The following CDK11A variants were observed in gnomAD, a reference collection of about 807,000 sequenced individuals.
CDK11A encodes cyclin dependent kinase 11A, also known as cyclin-dependent kinase 11A.
A neutral mutation model predicts 83.6 loss-of-function variants in CDK11A; 55 were observed. That is an observed-to-expected ratio of 0.66 (90% CI 0.53 to 0.82). The LOEUF (loss-of-function observed/expected upper bound fraction) is 0.82, where lower values mean the gene tolerates loss of function less well. Ranked by LOEUF, CDK11A falls within the 40% of genes least tolerant of loss-of-function variation. CDK11A has a pLI of 0.00. For synonymous variants in CDK11A, 247 were observed against 302.7 expected, an observed-to-expected ratio of 0.82 and a Z score of 1.91; for missense variants, 564 against 810.1, an observed-to-expected ratio of 0.70 and a Z score of 3.69.
intron 3 of CDK11A, among the ~76,000 whole-genome samples, chr1:1,721,064 A>C (rs1401488816): frequency 6.6e-6 from 1 of 150,714 alleles, no homozygotes; most frequent in Non-Finnish European, 1.5e-5. Context: ...TTTAGTAGAG[A>C]CGGGGTTTCA....
At chr1:1,717,418 C>G (rs1644708548) in intron 4 of CDK11A, among the ~76,000 whole-genome samples, 1 of 151,412 alleles carries the variant, frequency 6.6e-6, no homozygotes, top group South Asian at 2.1e-4. Flanking sequence ...CGAGATCAAA[C>G]TGCTCAAGCC....
chr1:1,715,383 A>G (rs1401889102), intron 5 of CDK11A, among the ~76,000 whole-genome samples: 1 of 143,514 alleles, frequency 7.0e-6, no homozygotes, highest in Non-Finnish European at 1.5e-5. Context: ...CTTCTGGGAA[A>G]TCAATATGAC....
chr1:1,707,464 G>A lies in CDK11A; in HGVS notation c.1190C>T (p.Ala397Val), dbSNP rs777457352. Reference sequence around the variant, plus strand: ...CTGCTTGAGCTCGATGGGCAACAGGGCAGGGGAGTCGGGCACATAGTCGCC... The same window carrying A: ...CTGCTTGAGCTCGATGGGCAACAGGACAGGGGAGTCGGGCACATAGTCGCC... ...TEGDYVPDSPALLPIELKQEL... is the reference protein window; with the variant it reads ...TEGDYVPDSPVLLPIELKQEL... The change falls in exon 11 of 20, where the codon GCC becomes GTC. Residue 397 changes from alanine to valine, a missense_variant. Ala to Val is a moderately conservative substitution (Grantham distance 64). Coordinates refer to ENST00000404249, the MANE Select transcript of CDK11A (RefSeq NM_024011.4). 2.5e-6 allele frequency: 4 copies of A among 1,607,706 alleles called. No individual in the cohort carries two copies. The South Asian group carries it at 4.4e-5, about 18-fold the overall frequency.
rs1409805069 is a variant in CDK11A, at chr1:1,719,216, TAC to T, written c.355+110_355+111del. 2 of 991,014 alleles carry T rather than the reference TAC, an allele frequency of 2.0e-6. 1 individual carries two copies. The highest frequency in any genetic ancestry group is 2.9e-6 in the Non-Finnish European group (2 of 698,730). 61.4% of individuals were successfully genotyped at this position (991,014 alleles called of 1,614,324 possible). On this transcript the variant is annotated intron_variant, in intron 4 of 19. Coordinates refer to ENST00000404249, the MANE Select transcript of CDK11A (RefSeq NM_024011.4). ...TCTGTGACACCATTATGCTTTCAGCTACAGTTTGCTTTCTCTGGTTTTTCAGT... is the reference window on the plus strand; with the variant it reads ...TCTGTGACACCATTATGCTTTCAGCTAGTTTGCTTTCTCTGGTTTTTCAGT...
chr1:1,704,347 G>T lies in CDK11A; in HGVS notation c.1565-3C>A. 6.2e-7 allele frequency: 1 copy of T among 1,603,900 alleles called. No individual in the cohort carries two copies. The highest frequency in any genetic ancestry group is 1.1e-5 in the South Asian group (1 of 90,464). On this transcript the variant is annotated splice_polypyrimidine_tract_variant and splice_region_variant and intron_variant, in intron 14 of 19. Transcript: ENST00000404249. ...GATCATCAGGGTCTTCACCTCCCCT[G>T]GGAGGGAGGGAGGCTCCCATGTGGA...
rs1432942337 is a variant in CDK11A, at chr1:1,724,297, ACAGCAACCGG to A, written c.-63_-54del. The A allele has an allele frequency of 2.6e-5, 4 of 151,638 alleles. 1 individual carries two copies. The highest frequency in any genetic ancestry group is 5.9e-5 in the Non-Finnish European group (4 of 67,860). 9.4% of individuals were successfully genotyped at this position (151,638 alleles called of 1,614,324 possible). A position where few individuals can be genotyped will look rare whatever the true frequency, so the allele number is the denominator to read the frequency against. On this transcript the variant is annotated 5_prime_UTR_variant, in exon 1 of 20. Transcript: ENST00000404249. The stretch of plus-strand genomic sequence containing the variant: ...GGCCGGTCCCTGAGCCTGAGAAGAA[ACAGCAACCGG>A]CGCTCGCCAGAAGTATCCTCACTTC...
rs75325912 is a variant in CDK11A at position 1,716,701 on chromosome 1, G to C, written c.356-223C>G. Among the ~76,000 whole-genome samples the C allele has an allele frequency of 9.7e-4, 145 of 148,940 alleles. 3 individuals are homozygous for C. Among genetic ancestry groups the C allele is most frequent in the African/African-American group, 3.4e-3 (139 of 40,456 alleles). On this transcript the variant is annotated intron_variant, in intron 4 of 19. Coordinates refer to ENST00000404249, the MANE Select transcript of CDK11A (RefSeq NM_024011.4). ...TGGTGGCAGGCACCTGTAATCCCAG[G>C]TACTAAGGGAGGCTGAGGCTGTAGA...
Position 1,713,481 on chromosome 1 carries a change from C to T in CDK11A, c.489-1081G>A, listed in dbSNP as rs529225419. Among the ~76,000 whole-genome samples the T allele has an allele frequency of 9.3e-4, 94 of 101,278 alleles. 9 individuals are homozygous for T. The highest frequency in any genetic ancestry group is 2.7e-3 in the African/African-American group (90 of 33,144). 66.4% of individuals were successfully genotyped at this position (101,278 alleles called of 152,430 possible). On this transcript the variant is annotated intron_variant, in intron 5 of 19. Coordinates refer to ENST00000404249, the MANE Select transcript of CDK11A (RefSeq NM_024011.4). ...TTTAAATTACATACGTTTAGCATACCATTTTAATTTATTTGTACTTTTTAG... is the reference window on the plus strand; with the variant it reads ...TTTAAATTACATACGTTTAGCATACTATTTTAATTTATTTGTACTTTTTAG...
At chr1:1,718,637 T>TC (rs1043877272) in intron 4 of CDK11A, among the ~76,000 whole-genome samples, 1 of 59,056 alleles carries the variant, frequency 1.7e-5, no homozygotes, top group African/African-American at 3.6e-5. Context: ...GCTAGAGTAT[T>TC]CTTTTTTTTT....
At chr1:1,706,951 T>C (rs899714159) in intron 11 of CDK11A, among the ~76,000 whole-genome samples, 6 of 144,484 alleles carry the variant, frequency 4.2e-5, no homozygotes, top group Non-Finnish European at 4.5e-5. Flanking sequence ...CCTGCCTTAT[T>C]GATAGCTGCC....
chr1:1,717,356 G>A (rs914922853), intron 4 of CDK11A, among the ~76,000 whole-genome samples: 2 of 142,384 alleles, frequency 1.4e-5, no homozygotes, highest in African/African-American at 2.5e-5. Context: ...GATTTCAATC[G>A]GGCTCCAGGT....
Position 1,716,687 on chromosome 1 carries a change from A to G in CDK11A, c.356-209T>C, listed in dbSNP as rs1335772641. Among the ~76,000 whole-genome samples, 17 of 149,932 alleles carry G rather than the reference A, an allele frequency of 1.1e-4. 1 individual carries two copies. Among genetic ancestry groups the G allele is most frequent in the Non-Finnish European group, 2.2e-4 (15 of 67,410 alleles). On this transcript the variant is annotated intron_variant, in intron 4 of 19. Coordinates refer to ENST00000404249, the MANE Select transcript of CDK11A (RefSeq NM_024011.4). ...AAATTAGCTGGGCGTGGTGGCAGGC[A>G]CCTGTAATCCCAGGTACTAAGGGAG...
In CDK11A at chr1:1,708,182, A is replaced by T; in HGVS notation, c.1067T>A (p.Val356Asp). Residue 356 changes from valine (V) to aspartate (D), a missense_variant and splice_region_variant, in exon 10 of 20, where the codon GTT becomes GAT. By Grantham distance (152) the Val-to-Asp change is radical (BLOSUM62 -3). Transcript: ENST00000404249. ...EERENENHLL[V>D]VPESRFDRDS... ...TCTGTCTCCAGGGAGGTTCTTACCA[A>T]CCAAGAGGTGGTTTTCATTTTCTCG... 6.5e-7 allele frequency: 1 copy of T among 1,539,058 alleles called. No individual in the cohort carries two copies. Among genetic ancestry groups the T allele is most frequent in the African/African-American group, 1.4e-5 (1 of 71,114 alleles).
At position 1,719,395 on chromosome 1, in the gene CDK11A, T is replaced by G; in HGVS notation, c.288A>C (p.Lys96Asn). The stretch of plus-strand genomic sequence containing the variant: ...TCTTTTCATCTTTTCTGTGATGAAC[T>G]TTTTCTTTCCGAGACATTTGCTGGG... The part of the protein sequence containing the change: ...KPPQQMSRKE[K>N]VHHRKDEKRK... Residue 96 changes from lysine to asparagine, a missense_variant, in exon 4 of 20, where the codon AAA becomes AAC. This residue lies in a region of CDK11A where 151 missense variants were observed against 147.4 expected (regional missense o/e 1.02). Coordinates refer to ENST00000404249, the MANE Select transcript of CDK11A (RefSeq NM_024011.4). 6.5e-7 allele frequency: 1 copy of G among 1,537,826 alleles called. No homozygotes were observed. The highest frequency in any genetic ancestry group is 1.3e-5 in the South Asian group (1 of 79,834).
At chr1:1,723,488 CAAAAAAAA>C (rs768913380) in intron 1 of CDK11A, among the ~76,000 whole-genome samples, 1 of 20,614 alleles carries the variant, frequency 4.9e-5, no homozygotes, top group African/African-American at 9.6e-5. Flanking sequence ...GACCCCGTCT[CAAAAAAAA>C]AAAAAAAAAA....
At position 1,703,591 on chromosome 1, in the gene CDK11A, C is replaced by T. The variant is rs1331972710; in HGVS notation, c.1945G>A (p.Gly649Ser). ...TTGACTACTGGGAGCTCACTGTAGCCGGGCCAGATTTTCTCACTGGGGGTC... is the reference window on the plus strand; with the variant it reads ...TTGACTACTGGGAGCTCACTGTAGCTGGGCCAGATTTTCTCACTGGGGGTC... ...LGTPSEKIWP[G>S]YSELPVVKKM... Residue 649 changes from glycine (G) to serine (S), a missense_variant, in exon 18 of 20, where the codon GGC becomes AGC. Coordinates refer to ENST00000404249, the MANE Select transcript of CDK11A (RefSeq NM_024011.4). The T allele has an allele frequency of 1.8e-5, 29 of 1,595,060 alleles. No individual in the cohort carries two copies. Among genetic ancestry groups the T allele is most frequent in the Admixed American group, 1.5e-4 (9 of 58,252 alleles).
In CDK11A at chr1:1,708,169, G is replaced by A. The variant is rs373681382; in HGVS notation, c.1069+11C>T. 2,402 of 1,523,888 alleles carry A rather than the reference G, an allele frequency of 1.6e-3. 55 individuals carry two copies. In the African/African-American group the frequency reaches 0.032, roughly 20 times the overall value. The allele number at this position is 1,523,888 out of a possible 1,614,324, so 94.4% of individuals were successfully genotyped here. A position where few individuals can be genotyped will look rare whatever the true frequency, so the allele number is the denominator to read the frequency against. On this transcript the variant is annotated intron_variant, in intron 10 of 19. Coordinates refer to ENST00000404249, the MANE Select transcript of CDK11A (RefSeq NM_024011.4). Reference sequence around the variant, plus strand: ...ACAAGGAGGGGGCTCTGTCTCCAGGGAGGTTCTTACCAACCAAGAGGTGGT... The same window carrying A: ...ACAAGGAGGGGGCTCTGTCTCCAGGAAGGTTCTTACCAACCAAGAGGTGGT...
chr1:1,704,284 C>T lies in CDK11A; in HGVS notation c.1625G>A (p.Trp542Ter). The change falls in exon 15 of 20, where the codon TGG (tryptophan) becomes TAG (stop). Residue 542 changes from tryptophan to a stop codon, truncating the protein, a stop_gained. Transcript: ENST00000404249. LOFTEE classifies it high-confidence loss of function. ...CGTCTTGAGGTCACGGTGCAGGATC[C>T]AGTTGTCGTGCAGGTGTTTCACCCC... ...LRGVKHLHDN[W>*]ILHRDLKTSN... The T allele has an allele frequency of 6.2e-7, 1 of 1,607,776 alleles. No homozygotes were observed.
At chr1:1,722,620 C>T (rs1365092102) in intron 2 of CDK11A, 88 bp downstream of exon 2, 1 of 564,620 alleles carries the variant, frequency 1.8e-6, no homozygotes, top group Non-Finnish European at 3.2e-6. Context: ...AGAACTTCAC[C>T]GAAGAAGCGT....
Sources: allele counts gnomAD v4.1 joint callset (sites outside exome capture counted in the v4.1 genomes callset), GRCh38; gene constraint gnomAD v4.1.1; regional missense constraint gnomAD v4.1.1; transcripts MANE v1.5; gene names NCBI Gene and HGNC (gene_info 2026-07-23, HGNC 2026-07-21).